KDM4C: variants seen among roughly 807,000 people sequenced by gnomAD.
KDM4C encodes the protein lysine-specific demethylase 4C.
KDM4C carries 81 observed loss-of-function variants against 129.3 expected under a neutral mutation model. That is an observed-to-expected ratio of 0.63 (90% CI 0.52 to 0.75). The LOEUF (loss-of-function observed/expected upper bound fraction) is 0.75, where lower values mean the gene tolerates loss of function less well. Among genes scored for constraint, KDM4C ranks in the 30% least tolerant of loss-of-function variants. The pLI is 0.00. For synonymous variants in KDM4C, 573 were observed against 456.1 expected, an observed-to-expected ratio of 1.26 and a Z score of -3.26; for missense variants, 1,457 against 1,304.0, an observed-to-expected ratio of 1.12 and a Z score of -1.81.
intron 8 of KDM4C, among the ~76,000 whole-genome samples, chr9:6,918,231 A>G (rs897122167): frequency 6.6e-6 from 1 of 152,162 alleles, no homozygotes; most frequent in African/African-American, 2.4e-5. Context: ...GTCAATGTGT[A>G]TCCAATGTTT....
intron 15 of KDM4C, among the ~76,000 whole-genome samples, chr9:7,027,683 G>A (rs1323767195): frequency 6.6e-6 from 1 of 152,226 alleles, no homozygotes; most frequent in Non-Finnish European, 1.5e-5. Flanking sequence ...TCATGATGGT[G>A]AGTTGTTGTG....
intron 2 of KDM4C, among the ~76,000 whole-genome samples, chr9:6,800,399 C>T (rs1295647683): frequency 6.6e-6 from 1 of 151,464 alleles, no homozygotes; most frequent in Admixed American, 6.6e-5. Context: ...ATTAACTGAG[C>T]GTAGGAGCAT....
At chr9:6,947,328 C>A (rs1036722441) in intron 8 of KDM4C, among the ~76,000 whole-genome samples, 1 of 152,104 alleles carries the variant, frequency 6.6e-6, no homozygotes. Context: ...GAACATTTCT[C>A]ATCTTTAGTA....
At chr9:6,891,663 A>G (rs905168628) in intron 7 of KDM4C, among the ~76,000 whole-genome samples, 1 of 152,194 alleles carries the variant, frequency 6.6e-6, no homozygotes, top group Non-Finnish European at 1.5e-5. Context: ...TGGTATGTGA[A>G]TTACATTTCA....
At chr9:7,101,968 A>G (rs1194726587) in intron 17 of KDM4C, among the ~76,000 whole-genome samples, 1 of 152,224 alleles carries the variant, frequency 6.6e-6, no homozygotes, top group Non-Finnish European at 1.5e-5. Flanking sequence ...AAAAGATACC[A>G]AAATACTAAA....
intron 1 of KDM4C, among the ~76,000 whole-genome samples, chr9:6,731,325 C>CTTTTTTT (rs34724329): frequency 3.5e-5 from 4 of 114,052 alleles, no homozygotes; most frequent in Admixed American, 1.1e-4. Flanking sequence ...TTTTTTTTTG[C>CTTTTTTT]TTTTTTTTTT....
chr9:6,952,162 C>T (rs1037885223), intron 8 of KDM4C, among the ~76,000 whole-genome samples: 1 of 152,018 alleles, frequency 6.6e-6, no homozygotes, highest in African/African-American at 2.4e-5. Flanking sequence ...TACAACCTGA[C>T]ATTTTATTTC....
intron 4 of KDM4C, among the ~76,000 whole-genome samples, chr9:6,847,448 G>T (rs184633371): frequency 1.3e-5 from 2 of 152,168 alleles, no homozygotes; most frequent in Admixed American, 1.3e-4. Flanking sequence ...GCCCAGGCTG[G>T]AGTGCAGTGG....
chr9:7,017,845 G>A lies in KDM4C; in HGVS notation c.2259+1916G>A, dbSNP rs184988552. 8.5e-5 allele frequency among the ~76,000 whole-genome samples: 13 copies of A among 152,314 alleles called. No homozygotes were observed. The East Asian group carries it at 2.5e-3, about 29-fold the overall frequency. ...CTTATATGATGAAAATTTTTGTCATGACTGTGTATATTTAGTTCTCAGTAA... is the reference window on the plus strand; with the variant it reads ...CTTATATGATGAAAATTTTTGTCATAACTGTGTATATTTAGTTCTCAGTAA... On this transcript the variant is annotated intron_variant, in intron 15 of 21. Coordinates refer to ENST00000381309, the MANE Select transcript of KDM4C (RefSeq NM_015061.6).
intron 17 of KDM4C, among the ~76,000 whole-genome samples, chr9:7,086,089 C>T (rs150567909): frequency 0.012 from 1,823 of 152,158 alleles, 44 homozygotes; most frequent in African/African-American, 0.041. Flanking sequence ...ACCCAGGAGG[C>T]GGAGGTTGCA....
chr9:6,923,450 G>A (rs1311936673), intron 8 of KDM4C, among the ~76,000 whole-genome samples: 1 of 152,058 alleles, frequency 6.6e-6, no homozygotes, highest in Non-Finnish European at 1.5e-5. Flanking sequence ...AGATTAATAT[G>A]AATGTGCATC....
chr9:6,795,024 A>T (rs1376296986), intron 2 of KDM4C, among the ~76,000 whole-genome samples: 1 of 152,198 alleles, frequency 6.6e-6, no homozygotes, highest in East Asian at 1.9e-4. Context: ...TAAATGTTAA[A>T]TTTATAATCT....
intron 4 of KDM4C, among the ~76,000 whole-genome samples, chr9:6,843,456 G>A (rs1373353249): frequency 6.6e-6 from 1 of 152,240 alleles, no homozygotes; most frequent in Non-Finnish European, 1.5e-5. Context: ...CTATTGGGAA[G>A]CCTTAGGGCT....
intron 1 of KDM4C, chr9:6,726,935 A>T (rs1332826335): frequency 2.6e-5 from 4 of 151,964 alleles, no homozygotes; most frequent in African/African-American, 7.2e-5. Flanking sequence ...GGATTTCGCC[A>T]TGTTGGCCAG....
At chr9:7,048,766 A>T (rs973404221) in intron 16 of KDM4C, among the ~76,000 whole-genome samples, 1 of 152,132 alleles carries the variant, frequency 6.6e-6, no homozygotes, top group East Asian at 1.9e-4. Context: ...AAGCACATAC[A>T]TGCATATTCC....
intron 11 of KDM4C, among the ~76,000 whole-genome samples, chr9:6,987,351 A>T (rs1252892678): frequency 6.6e-6 from 1 of 152,216 alleles, no homozygotes; most frequent in East Asian, 1.9e-4. Context: ...ACTTTTTGGA[A>T]AATTGTACAA....
At chr9:6,798,410 G>C (rs1345977030) in intron 2 of KDM4C, among the ~76,000 whole-genome samples, 1 of 151,960 alleles carries the variant, frequency 6.6e-6, no homozygotes, top group African/African-American at 2.4e-5. Context: ...TTGTGTCCCT[G>C]GGTACTTGAG....
intron 4 of KDM4C, among the ~76,000 whole-genome samples, chr9:6,825,166 AAAGAT>A (rs1020838546): frequency 1.3e-5 from 2 of 152,040 alleles, no homozygotes; most frequent in African/African-American, 2.4e-5. Context: ...AAAAAAAAAA[AAAGAT>A]AGCTGGATTT....
chr9:6,741,723 CT>C (rs1164663856), intron 1 of KDM4C, among the ~76,000 whole-genome samples: 30 of 102,794 alleles, frequency 2.9e-4, no homozygotes, highest in Admixed American at 3.9e-4. Flanking sequence ...TTATTCAGCA[CT>C]TTTTTTTTTT....
Sources: gnomAD v4.1 joint callset for allele counts (sites outside exome capture counted in the v4.1 genomes callset) on GRCh38, gnomAD v4.1.1 for gene constraint, MANE v1.5 for transcripts, NCBI Gene and HGNC (gene_info 2026-07-23, HGNC 2026-07-21) for gene names.